Variants in URB1 observed in about 807,000 individuals in gnomAD.
URB1 encodes the protein nucleolar pre-ribosomal-associated protein 1.
A neutral mutation model predicts 242.3 loss-of-function variants in URB1; 197 were observed. The observed-to-expected ratio is 0.81, with a 90% confidence interval of 0.72 to 0.91. The LOEUF (loss-of-function observed/expected upper bound fraction) is 0.91, where lower values mean the gene tolerates loss of function less well. Among genes scored for constraint, URB1 ranks in the 40% least tolerant of loss-of-function variants. The pLI is 0.00. For missense variants in URB1, 2,721 were observed against 2,860.5 expected (o/e 0.95, Z 1.11); for synonymous variants, 1,153 against 1,201.8 (o/e 0.96, Z 0.84).
intron 20 of URB1, among the ~76,000 whole-genome samples, chr21:32,349,981 G>C (rs1324540045): frequency 2.0e-5 from 3 of 152,102 alleles, no homozygotes; most frequent in African/African-American, 7.2e-5. Flanking sequence ...TGTTATCCCA[G>C]CTACTAGGGA....
chr21:32,373,671 G>T lies in URB1; in HGVS notation c.852C>A (p.Thr284=). Residue 284 remains threonine, a synonymous_variant, in exon 7 of 39, where the codon ACC becomes ACA. Transcript: ENST00000382751. The part of the protein sequence containing the change: ...IASLYNWNGI[T]DVNPENVKVS... ...CCTTGACATTTTCTGGGTTCACATC[G>T]GTAATCCCATTCCAGTTGTACAGCG... The T allele has an allele frequency of 3.2e-6, 5 of 1,542,054 alleles. No individual in the cohort carries two copies. Among genetic ancestry groups the T allele is most frequent in the Non-Finnish European group, 4.4e-6 (5 of 1,143,776 alleles).
At chr21:32,334,602 T>A (rs922478366) in intron 28 of URB1, among the ~76,000 whole-genome samples, 1 of 152,096 alleles carries the variant, frequency 6.6e-6, no homozygotes, top group Non-Finnish European at 1.5e-5. Flanking sequence ...TTCATGTAGA[T>A]CAATTCACTC....
At chr21:32,327,994 T>A (rs147308836) in intron 30 of URB1, among the ~76,000 whole-genome samples, 1 of 152,322 alleles carries the variant, frequency 6.6e-6, no homozygotes, top group African/African-American at 2.4e-5. Context: ...ATGGTCAGAT[T>A]AGATAAAAAG....
chr21:32,372,214 T>C (rs1280801725), intron 8 of URB1, among the ~76,000 whole-genome samples: 1 of 152,226 alleles, frequency 6.6e-6, no homozygotes, highest in Non-Finnish European at 1.5e-5. Flanking sequence ...GCAGACGCCT[T>C]TTCTGAGCTC....
At chr21:32,360,380 A>G (rs574055958) in intron 13 of URB1, among the ~76,000 whole-genome samples, 9 of 152,348 alleles carry the variant, frequency 5.9e-5, no homozygotes, top group East Asian at 5.8e-4. Flanking sequence ...AGTAAATTTC[A>G]TATTTCCACA....
intron 10 of URB1, among the ~76,000 whole-genome samples, chr21:32,365,587 T>C (rs9974383): frequency 0.15 from 22,696 of 152,152 alleles, 2,265 homozygotes; most frequent in African/African-American, 0.28. Flanking sequence ...ATTAAAACAG[T>C]TGGGCAAGCT....
rs868386199 is a variant in URB1, at chr21:32,316,630, C to A, written c.6470G>T (p.Cys2157Phe). The A allele has an allele frequency of 1.3e-5, 20 of 1,551,508 alleles. No homozygotes were observed. The African/African-American group carries it at 2.7e-4, about 21-fold the overall frequency. The change falls in exon 38 of 39, where the codon TGT (cysteine) becomes TTT (phenylalanine). Residue 2157 changes from cysteine (C) to phenylalanine (F), a missense_variant. Cys to Phe is a radical substitution (Grantham distance 205, BLOSUM62 -2). Coordinates refer to ENST00000382751, the MANE Select transcript of URB1 (RefSeq NM_014825.3). Reference sequence around the variant, plus strand: ...AGGCCCTGCCAGCCCCTCAGCCCCACAGAGCCGGCTATACAGCCTGAATAT... The same window carrying A: ...AGGCCCTGCCAGCCCCTCAGCCCCAAAGAGCCGGCTATACAGCCTGAATAT... ...SSIFRLYSRL[C>F]GAEGLAGPVQ... is the part of the protein sequence containing the mutation.
At chr21:32,360,920 C>T in intron 13 of URB1, 87 bp downstream of exon 13, 1 of 925,260 alleles carries the variant, frequency 1.1e-6, no homozygotes, top group Non-Finnish European at 1.6e-6. Context: ...AACCGTCCAC[C>T]AGCCTTCCTG....
chr21:32,355,549 C>A lies in URB1; in HGVS notation c.2006G>T (p.Gly669Val). ...CTCCTTCCAGGTGTGCTCAAACACCCCCGTGTCCCGCAGAATCTGCCAGGA... is the reference window on the plus strand; with the variant it reads ...CTCCTTCCAGGTGTGCTCAAACACCACCGTGTCCCGCAGAATCTGCCAGGA... ...LLIMKILRDT[G>V]VFEHTWKELE... The change falls in exon 16 of 39, where the codon GGG (glycine) becomes GTG (valine). Residue 669 changes from glycine to valine, a missense_variant. Physicochemically the swap from Gly to Val is moderately radical, Grantham distance 109. Transcript: ENST00000382751. 6.4e-7 allele frequency: 1 copy of A among 1,551,630 alleles called. No individual in the cohort carries two copies. The highest frequency in any genetic ancestry group is 8.7e-7 in the Non-Finnish European group (1 of 1,146,912).
At chr21:32,338,954 T>C in intron 25 of URB1, 54 bp from the exon 26 acceptor site, 4 of 1,424,564 alleles carry the variant, frequency 2.8e-6, no homozygotes, top group Non-Finnish European at 3.8e-6. Context: ...AAATTTATTT[T>C]ACAGGAAACA....
At chr21:32,347,956 T>C in intron 21 of URB1, 145 bp from the exon 22 acceptor site, 1 of 1,336,532 alleles carries the variant, frequency 7.5e-7, no homozygotes, top group South Asian at 1.6e-5. Context: ...CAAGCCTACA[T>C]TTCCATGCCC....
Position 32,316,544 on chromosome 21 carries a change from G to A in URB1, c.6556C>T (p.Arg2186Trp), listed in dbSNP as rs758730332. The change falls in exon 38 of 39, where the codon CGG (arginine) becomes TGG (tryptophan). Residue 2186 changes from arginine (R) to tryptophan (W), a missense_variant. By Grantham distance (101) the Arg-to-Trp change is moderately radical. Transcript: ENST00000382751. ...GCCGGGTGGAAGGGGCTCCCTGCCCGGCCCTGGGCAGCCACCAGCTGCAGC... is the reference window on the plus strand; with the variant it reads ...GCCGGGTGGAAGGGGCTCCCTGCCCAGCCCTGGGCAGCCACCAGCTGCAGC... ...VMLQLVAAQGRAGSPFHPAME... is the reference protein window; with the variant it reads ...VMLQLVAAQGWAGSPFHPAME... 37 of 1,550,784 alleles carry A rather than the reference G, an allele frequency of 2.4e-5. No homozygotes were observed. Among genetic ancestry groups the A allele is most frequent in the Middle Eastern group, 1.7e-4 (1 of 6,014 alleles).
At position 32,347,114 on chromosome 21, in the gene URB1, A is replaced by G; in HGVS notation, c.3710T>C (p.Leu1237Pro). The change falls in exon 22 of 39, where the codon CTC becomes CCC. Residue 1237 changes from leucine to proline, a missense_variant. Leu to Pro is a moderately conservative substitution (Grantham distance 98). Transcript: ENST00000382751. ...CAAGTGGGTGCAGCTCTCCTGGAGGAGCAGGGCAGCGATGCTGAGGGCCGC... is the reference window on the plus strand; with the variant it reads ...CAAGTGGGTGCAGCTCTCCTGGAGGGGCAGGGCAGCGATGCTGAGGGCCGC... Reference protein sequence around the residue: ...TQAALSIAALLLQESCTHLLW... With the variant: ...TQAALSIAALPLQESCTHLLW... 6.5e-7 allele frequency: 1 copy of G among 1,549,674 alleles called. No homozygotes were observed. The highest frequency in any genetic ancestry group is 8.7e-7 in the Non-Finnish European group (1 of 1,146,432).
At chr21:32,337,203 C>A (rs1180263624) in intron 27 of URB1, 46 bp from the exon 28 acceptor site, 1 of 1,540,698 alleles carries the variant, frequency 6.5e-7, no homozygotes, top group Admixed American at 2.0e-5. Flanking sequence ...ACCCCTGACA[C>A]CCTCCTGCTG....
chr21:32,324,704 G>C (rs1393568946), intron 31 of URB1, 102 bp from the exon 32 acceptor site: 1 of 808,614 alleles, frequency 1.2e-6, no homozygotes, highest in South Asian at 1.6e-5. Context: ...GGGTGTGCCT[G>C]CTTCTCATAT....
chr21:32,369,060 A>G (rs1007740824), intron 8 of URB1, among the ~76,000 whole-genome samples: 24 of 147,266 alleles, frequency 1.6e-4, no homozygotes, highest in African/African-American at 5.8e-4. Flanking sequence ...AGCACTATGT[A>G]GGGCTGGCTG....
chr21:32,332,975 T>A, intron 30 of URB1: 2 of 301,090 alleles, frequency 6.6e-6, no homozygotes, highest in South Asian at 6.1e-5. Context: ...TGACCCATTA[T>A]CAGGACTAAA....
chr21:32,354,983 C>T lies in URB1; in HGVS notation c.2121G>A (p.Leu707=), dbSNP rs2033202967. The part of the protein sequence containing the change: ...IQFLERILLT[L]VANPYSYTDK... ...CTGTGTATGAATAGGGATTCGCCACCAATGTCAATAAAATCTGGGCATTAA... is the reference window on the plus strand; with the variant it reads ...CTGTGTATGAATAGGGATTCGCCACTAATGTCAATAAAATCTGGGCATTAA... The change falls in exon 17 of 39, where the codon TTG becomes TTA. Residue 707 remains leucine (L), a synonymous_variant. Transcript: ENST00000382751. The T allele has an allele frequency of 6.5e-7, 1 of 1,549,824 alleles. No homozygotes were observed. Among genetic ancestry groups the T allele is most frequent in the South Asian group, 1.2e-5 (1 of 83,926 alleles).
At chr21:32,334,107 G>A (rs1052730261) in intron 29 of URB1, 56 bp downstream of exon 29, 17 of 1,470,044 alleles carry the variant, frequency 1.2e-5, no homozygotes, top group Middle Eastern at 2.0e-4. Context: ...GGTGCAGATG[G>A]AGCCCCTGAG....
Sources: allele counts gnomAD v4.1 joint callset (sites outside exome capture counted in the v4.1 genomes callset), GRCh38; gene constraint gnomAD v4.1.1; transcripts MANE v1.5; gene names NCBI Gene and HGNC (gene_info 2026-07-23, HGNC 2026-07-21).